Variants in PLPPR1 observed in about 807,000 individuals in gnomAD.
PLPPR1 encodes the protein phospholipid phosphatase related 1, also known as phospholipid phosphatase-related protein type 1.
PLPPR1 carries 10 observed loss-of-function variants against 33.1 expected under a neutral mutation model. The ratio of observed to expected loss-of-function variants is 0.30; its 90% CI spans 0.19 to 0.51. The LOEUF is 0.51. Among genes scored for constraint, PLPPR1 ranks in the 20% least tolerant of loss-of-function variants. PLPPR1 has a pLI of 0.97. For synonymous variants in PLPPR1, 151 were observed against 151.0 expected, an observed-to-expected ratio of 1.00 and a Z score of 0.00; for missense variants, 304 against 408.1, an observed-to-expected ratio of 0.74 and a Z score of 2.20.
chr9:101,128,769 A>G (rs1831278474), intron 1 of PLPPR1, among the ~76,000 whole-genome samples: 1 of 152,148 alleles, frequency 6.6e-6, no homozygotes, highest in Non-Finnish European at 1.5e-5. Flanking sequence ...TTGTTTGATG[A>G]GGGTAATTCA....
chr9:101,233,321 T>C (rs1056228061), intron 2 of PLPPR1, among the ~76,000 whole-genome samples: 3 of 151,956 alleles, frequency 2.0e-5, no homozygotes, highest in African/African-American at 7.2e-5. Context: ...AATTATTTTG[T>C]AACTGGGGAA....
chr9:101,220,782 C>G (rs1193755522), intron 2 of PLPPR1, among the ~76,000 whole-genome samples: 1 of 152,216 alleles, frequency 6.6e-6, no homozygotes, highest in Non-Finnish European at 1.5e-5. Flanking sequence ...ATATGCCCAT[C>G]TCTGAACCAA....
At chr9:101,155,617 T>TA (rs398011660) in intron 1 of PLPPR1, among the ~76,000 whole-genome samples, 1 of 149,686 alleles carries the variant, frequency 6.7e-6, no homozygotes, top group Non-Finnish European at 1.5e-5. Context: ...TTTTTTTTTT[T>TA]AGATGGAGTT....
chr9:101,097,096 G>T (rs1018267981), intron 1 of PLPPR1, among the ~76,000 whole-genome samples: 1 of 152,160 alleles, frequency 6.6e-6, no homozygotes, highest in Non-Finnish European at 1.5e-5. Context: ...CTGAATGAGG[G>T]TGTGTGACAT....
intron 1 of PLPPR1, among the ~76,000 whole-genome samples, chr9:101,153,821 G>A (rs1588050026): frequency 6.6e-6 from 1 of 151,482 alleles, no homozygotes; most frequent in East Asian, 1.9e-4. Context: ...CTGACCTCGT[G>A]ATCCGCCCAC....
intron 1 of PLPPR1, among the ~76,000 whole-genome samples, chr9:101,054,914 G>A (rs751987489): frequency 1.2e-4 from 18 of 152,188 alleles, no homozygotes; most frequent in Non-Finnish European, 2.5e-4. Flanking sequence ...GCCCTGCTGT[G>A]AGCATGAAGG....
intron 4 of PLPPR1, among the ~76,000 whole-genome samples, chr9:101,293,419 C>T (rs1009038160): frequency 7.9e-4 from 120 of 151,670 alleles, no homozygotes; most frequent in African/African-American, 2.7e-3. Context: ...ACAAGGATAC[C>T]CAGGAATTGA....
rs548797909 is a variant in PLPPR1, at chr9:101,192,644, A to G, written c.63+7087A>G. Among the ~76,000 whole-genome samples the G allele has an allele frequency of 4.0e-4, 61 of 152,220 alleles. 1 individual carries two copies. Among genetic ancestry groups the G allele is most frequent in the Admixed American group, 1.7e-3 (26 of 15,288 alleles). On this transcript the variant is annotated intron_variant, in intron 2 of 7. Coordinates refer to ENST00000374874, the MANE Select transcript of PLPPR1 (RefSeq NM_207299.2). ...AGCTTCTACCCAATATAAAACAACAAATTTGAAAAGAAAACCAATGAAACA... is the reference window on the plus strand; with the variant it reads ...AGCTTCTACCCAATATAAAACAACAGATTTGAAAAGAAAACCAATGAAACA...
chr9:101,046,126 A>G (rs1267200656), intron 1 of PLPPR1, among the ~76,000 whole-genome samples: 2 of 152,134 alleles, frequency 1.3e-5, no homozygotes, highest in Non-Finnish European at 2.9e-5. Flanking sequence ...AGGCCCTACT[A>G]AACACAAACT....
In PLPPR1 at chr9:101,185,515, T is replaced by C. The variant is rs1209748262; in HGVS notation, c.21T>C (p.Thr7=). MAVGNN[T]QRSYSIIPCF... ...GAGAAATGGCTGTAGGAAACAACACTCAACGAAGTTATTCCATCATCCCGT... is the reference window on the plus strand; with the variant it reads ...GAGAAATGGCTGTAGGAAACAACACCCAACGAAGTTATTCCATCATCCCGT... Residue 7 remains threonine, a synonymous_variant, in exon 2 of 8, where the codon ACT becomes ACC. Transcript: ENST00000374874. The C allele has an allele frequency of 6.2e-7, 1 of 1,609,998 alleles. No homozygotes were observed. The highest frequency in any genetic ancestry group is 1.3e-5 in the African/African-American group (1 of 74,700).
At chr9:101,109,970 G>A (rs1190488108) in intron 1 of PLPPR1, among the ~76,000 whole-genome samples, 2 of 152,130 alleles carry the variant, frequency 1.3e-5, no homozygotes, top group Non-Finnish European at 2.9e-5. Flanking sequence ...GGATGCTTCT[G>A]TTCAATAATT....
intron 6 of PLPPR1, among the ~76,000 whole-genome samples, chr9:101,316,082 A>G (rs1215184466): frequency 1.3e-5 from 2 of 152,190 alleles, no homozygotes; most frequent in African/African-American, 4.8e-5. Flanking sequence ...AATAACCAGC[A>G]GAGGGACCTG....
intron 2 of PLPPR1, among the ~76,000 whole-genome samples, chr9:101,234,972 C>A (rs1057235048): frequency 1.3e-5 from 2 of 151,764 alleles, no homozygotes; most frequent in Admixed American, 6.6e-5. Context: ...TTCTTGAGTA[C>A]AGGGATTTTT....
intron 4 of PLPPR1, among the ~76,000 whole-genome samples, chr9:101,298,632 G>C (rs1828691597): frequency 6.6e-6 from 1 of 151,858 alleles, no homozygotes. Flanking sequence ...TACAGCTGGG[G>C]GGCCGGTCAT....
intron 1 of PLPPR1, among the ~76,000 whole-genome samples, chr9:101,141,612 C>T (rs911018236): frequency 2.0e-5 from 3 of 152,138 alleles, no homozygotes; most frequent in Non-Finnish European, 4.4e-5. Context: ...TATTTAAAAA[C>T]ATTTATTGAA....
chr9:101,126,220 C>G (rs1831245055), intron 1 of PLPPR1, among the ~76,000 whole-genome samples: 1 of 152,186 alleles, frequency 6.6e-6, no homozygotes, highest in African/African-American at 2.4e-5. Flanking sequence ...AACAACTGAG[C>G]AATTCTTTCT....
intron 1 of PLPPR1, among the ~76,000 whole-genome samples, chr9:101,080,492 G>A (rs72741412): frequency 0.057 from 8,673 of 152,164 alleles, 359 homozygotes; most frequent in Non-Finnish European, 0.085. Flanking sequence ...TGCAGCCTGG[G>A]CAACAGAGTA....
rs1205435795 is a variant in PLPPR1 at position 101,113,221 on chromosome 9, T to TA, written c.-45-72227dup. Reference sequence around the variant, plus strand: ...CATATTAATCCTTTTTTTTTTTTTTTAACCCTGGAGGATGTTTTAGTAGCC... The same window carrying TA: ...CATATTAATCCTTTTTTTTTTTTTTTAAACCCTGGAGGATGTTTTAGTAGCC... On this transcript the variant is annotated intron_variant, in intron 1 of 7. Coordinates refer to ENST00000374874, the MANE Select transcript of PLPPR1 (RefSeq NM_207299.2). Among the ~76,000 whole-genome samples, 28 of 146,462 alleles carry TA rather than the reference T, an allele frequency of 1.9e-4. No homozygotes were observed. The East Asian group carries it at 3.0e-3, about 16-fold the overall frequency.
intron 2 of PLPPR1, among the ~76,000 whole-genome samples, chr9:101,244,439 T>TG (rs372898488): frequency 6.6e-4 from 97 of 147,174 alleles, no homozygotes; most frequent in African/African-American, 2.3e-3. Flanking sequence ...GAATGAATAA[T>TG]TTTTTTTTTT....
Sources: gnomAD v4.1 joint callset for allele counts (sites outside exome capture counted in the v4.1 genomes callset) on GRCh38, gnomAD v4.1.1 for gene constraint, MANE v1.5 for transcripts, NCBI Gene and HGNC (gene_info 2026-07-23, HGNC 2026-07-21) for gene names.